TMTC2: variants seen among roughly 807,000 people sequenced by gnomAD.
TMTC2 encodes the protein transmembrane O-mannosyltransferase targeting cadherins 2.
Under a neutral mutation model 82.4 loss-of-function variants are expected in TMTC2, and 43 were observed. The ratio of observed to expected loss-of-function variants is 0.52; its 90% CI spans 0.41 to 0.67. The LOEUF is 0.67. Ranked by LOEUF, TMTC2 falls within the 30% of genes least tolerant of loss-of-function variation. The pLI is 0.00. For synonymous variants in TMTC2, 408 were observed against 381.9 expected (o/e 1.07, Z -0.80); for missense variants, 919 against 1,012.4 (o/e 0.91, Z 1.25).
At chr12:82,698,787 A>G (rs943878597) in intron 1 of TMTC2, among the ~76,000 whole-genome samples, 1 of 152,188 alleles carries the variant, frequency 6.6e-6, no homozygotes, top group Non-Finnish European at 1.5e-5. Flanking sequence ...AAATAAAATA[A>G]AAGTCACTTG....
At position 82,895,838 on chromosome 12, in the gene TMTC2, C is replaced by T. The variant is rs552270610; in HGVS notation, c.675C>T (p.Phe225=). 3.1e-6 allele frequency: 5 copies of T among 1,605,330 alleles called. No homozygotes were observed. Among genetic ancestry groups the T allele is most frequent in the African/African-American group, 2.7e-5 (2 of 74,562 alleles). Reference sequence around the variant, plus strand: ...TTCAGAGGAAGAACTTGTCGCTTTTCCTAAGCATTAGTTTGTTAATTTTCT... The same window carrying T: ...TTCAGAGGAAGAACTTGTCGCTTTTTCTAAGCATTAGTTTGTTAATTTTCT... ...TIYKRKNLSL[F]LSISLLIFWG... Residue 225 remains phenylalanine (F), a synonymous_variant, in exon 3 of 12, where the codon TTC becomes TTT. Coordinates refer to ENST00000321196, the MANE Select transcript of TMTC2 (RefSeq NM_152588.3).
chr12:83,041,593 GAC>G (rs1307902128), intron 9 of TMTC2, among the ~76,000 whole-genome samples: 4 of 152,040 alleles, frequency 2.6e-5, no homozygotes, highest in East Asian at 1.9e-4. Flanking sequence ...GGGAAGAAGA[GAC>G]ACAGTAAAAA....
At chr12:82,945,575 A>G (rs1322989790) in intron 4 of TMTC2, among the ~76,000 whole-genome samples, 1 of 152,230 alleles carries the variant, frequency 6.6e-6, no homozygotes, top group Non-Finnish European at 1.5e-5. Flanking sequence ...GCTAACATGG[A>G]AAGTGCAGGC....
Position 82,857,484 on chromosome 12 carries a change from G to A in TMTC2, c.558G>A (p.Lys186=), listed in dbSNP as rs1871321254. 1 of 1,614,198 alleles carries A rather than the reference G, an allele frequency of 6.2e-7. No individual in the cohort carries two copies. Among genetic ancestry groups the A allele is most frequent in the Non-Finnish European group, 8.5e-7 (1 of 1,180,038 alleles). The change falls in exon 2 of 12, where the codon AAG becomes AAA. Residue 186 remains lysine, a synonymous_variant. Transcript: ENST00000321196. Reference sequence around the variant, plus strand: ...GCGCAGGATGCAGCATGTTGTGGAAGGAACAAGGAGTGACTGTTCTCGCAG... The same window carrying A: ...GCGCAGGATGCAGCATGTTGTGGAAAGAACAAGGAGTGACTGTTCTCGCAG... ...GLCAGCSMLW[K]EQGVTVLAVS... is the part of the protein sequence containing the mutation.
chr12:83,097,550 C>G lies in TMTC2; in HGVS notation c.2332-34660C>G, dbSNP rs1267864882. Among the ~76,000 whole-genome samples the G allele has an allele frequency of 2.6e-5, 4 of 152,014 alleles. No homozygotes were observed. In the East Asian group the frequency reaches 7.7e-4, roughly 29 times the overall value. ...ATACCTGTTCACTGTCAACACTGCCCTAGGTGTTAGGAATGAGCAGTAAAA... is the reference window on the plus strand; with the variant it reads ...ATACCTGTTCACTGTCAACACTGCCGTAGGTGTTAGGAATGAGCAGTAAAA... On this transcript the variant is annotated intron_variant, in intron 11 of 11. Transcript: ENST00000321196.
At chr12:82,710,641 A>G (rs541348203) in intron 1 of TMTC2, among the ~76,000 whole-genome samples, 1 of 152,368 alleles carries the variant, frequency 6.6e-6, no homozygotes, top group East Asian at 1.9e-4. Context: ...GTCTCCAGGG[A>G]GTAAGGCATT....
chr12:82,868,177 C>A (rs1871964585), intron 2 of TMTC2, among the ~76,000 whole-genome samples: 1 of 152,134 alleles, frequency 6.6e-6, no homozygotes, highest in Non-Finnish European at 1.5e-5. Flanking sequence ...CATTCTATGG[C>A]ATTTTTGTAG....
chr12:83,004,862 C>T (rs1200899931), intron 8 of TMTC2, among the ~76,000 whole-genome samples: 11 of 148,288 alleles, frequency 7.4e-5, no homozygotes, highest in Non-Finnish European at 5.9e-5. Flanking sequence ...TGGTGGCTCA[C>T]GCCTGTAATT....
chr12:82,883,259 T>A (rs1872928143), intron 2 of TMTC2, among the ~76,000 whole-genome samples: 1 of 152,134 alleles, frequency 6.6e-6, no homozygotes, highest in Admixed American at 6.5e-5. Context: ...AATTTACTAT[T>A]TAAATTCTGT....
At chr12:82,981,693 G>A (rs1046919504) in intron 7 of TMTC2, among the ~76,000 whole-genome samples, 4 of 151,786 alleles carry the variant, frequency 2.6e-5, no homozygotes, top group Non-Finnish European at 5.9e-5. Flanking sequence ...TACGGTACCA[G>A]AGAATATGAC....
At chr12:83,059,668 AT>A (rs887829908) in intron 10 of TMTC2, among the ~76,000 whole-genome samples, 1 of 151,808 alleles carries the variant, frequency 6.6e-6, no homozygotes, top group Non-Finnish European at 1.5e-5. Flanking sequence ...GCACTGAATA[AT>A]ACGAAGACTT....
intron 1 of TMTC2, among the ~76,000 whole-genome samples, chr12:82,837,388 C>T (rs1229355313): frequency 6.6e-6 from 1 of 152,020 alleles, no homozygotes; most frequent in African/African-American, 2.4e-5. Flanking sequence ...CTGGATGATC[C>T]CTGGAGCCCA....
intron 1 of TMTC2, among the ~76,000 whole-genome samples, chr12:82,832,380 T>G (rs1351692255): frequency 6.6e-6 from 1 of 151,908 alleles, no homozygotes; most frequent in Non-Finnish European, 1.5e-5. Flanking sequence ...CTGTTTTTAA[T>G]TATGTGTGTA....
intron 8 of TMTC2, among the ~76,000 whole-genome samples, chr12:82,990,290 T>G (rs1458251946): frequency 1.3e-5 from 2 of 152,142 alleles, no homozygotes; most frequent in Non-Finnish European, 1.5e-5. Flanking sequence ...CAAGATATAT[T>G]AGAAAAATAT....
At chr12:82,693,063 C>T (rs928669308) in intron 1 of TMTC2, among the ~76,000 whole-genome samples, 4 of 152,114 alleles carry the variant, frequency 2.6e-5, no homozygotes, top group South Asian at 2.1e-4. Flanking sequence ...GCACTGCTTA[C>T]CTTGTTAACA....
intron 1 of TMTC2, chr12:82,690,414 A>C: frequency 1.0e-6 from 1 of 984,940 alleles, no homozygotes; most frequent in Non-Finnish European, 1.2e-6. Flanking sequence ...TAACTAAATC[A>C]TTATTGCTGT....
intron 1 of TMTC2, among the ~76,000 whole-genome samples, chr12:82,757,502 G>C (rs1876403859): frequency 1.3e-5 from 2 of 152,210 alleles, no homozygotes; most frequent in South Asian, 4.2e-4. Context: ...GCAATCTGAG[G>C]CTTTATATAG....
intron 1 of TMTC2, among the ~76,000 whole-genome samples, chr12:82,724,757 C>G (rs950941056): frequency 6.6e-6 from 1 of 152,134 alleles, no homozygotes; most frequent in African/African-American, 2.4e-5. Context: ...GTGTGATTCT[C>G]TGAAAACATG....
At chr12:82,929,500 T>C (rs1000619437) in intron 3 of TMTC2, among the ~76,000 whole-genome samples, 5 of 152,222 alleles carry the variant, frequency 3.3e-5, no homozygotes, top group African/African-American at 9.6e-5. Flanking sequence ...AATCTGAGAT[T>C]GAAAGATTCT....
Sources: allele counts gnomAD v4.1 joint callset (sites outside exome capture counted in the v4.1 genomes callset), GRCh38; gene constraint gnomAD v4.1.1; transcripts MANE v1.5; gene names NCBI Gene and HGNC (gene_info 2026-07-23, HGNC 2026-07-21).